Variants in COL4A6 observed in about 807,000 individuals in gnomAD.
COL4A6 encodes collagen alpha-6(IV) chain.
Under a neutral mutation model 126.7 loss-of-function variants are expected in COL4A6, and 59 were observed. The ratio of observed to expected loss-of-function variants is 0.47; its 90% CI spans 0.38 to 0.58. The LOEUF is 0.58. Among genes scored for constraint, COL4A6 ranks in the 20% least tolerant of loss-of-function variants. COL4A6 has a pLI of 0.00. For synonymous variants in COL4A6, 547 were observed against 496.6 expected, an observed-to-expected ratio of 1.10 and a Z score of -1.35; for missense variants, 1,285 against 1,337.3, an observed-to-expected ratio of 0.96 and a Z score of 0.61.
rs748986747 is a variant in COL4A6 at position 108,250,231 on chromosome X, T to C, written c.145-28857A>G. Among the ~76,000 whole-genome samples, 4 of 111,025 alleles carry C rather than the reference T, an allele frequency of 3.6e-5. No homozygotes were observed. The East Asian group carries it at 1.1e-3, about 32-fold the overall frequency. On this transcript the variant is annotated intron_variant, in intron 3 of 44. Coordinates refer to ENST00000334504, the MANE Select transcript of COL4A6 (RefSeq NM_033641.4). Reference sequence around the variant, plus strand: ...AGTACTGCCTTTTACTTCAAGTCTTTCTGGTGGTAGTAAAGGAGCTCTGAA... The same window carrying C: ...AGTACTGCCTTTTACTTCAAGTCTTCCTGGTGGTAGTAAAGGAGCTCTGAA...
chrX:108,295,834 G>A (rs1022387673), intron 3 of COL4A6, among the ~76,000 whole-genome samples: 2 of 111,849 alleles, frequency 1.8e-5, no homozygotes, highest in African/African-American at 6.5e-5. Context: ...ATAAGGGAGA[G>A]ACTAGCCACC....
rs1476817997 is a variant in COL4A6, at chrX:108,158,416, T to C, written c.4812+1046A>G. On this transcript the variant is annotated intron_variant, in intron 44 of 44. Transcript: ENST00000334504. ...TAATATTCTAGTATGTTAGAATTAATGTGTAAAGGAAGAGTAAAGAGATTC... is the reference window on the plus strand; with the variant it reads ...TAATATTCTAGTATGTTAGAATTAACGTGTAAAGGAAGAGTAAAGAGATTC... Among the ~76,000 whole-genome samples, 4 of 112,680 alleles carry C rather than the reference T, an allele frequency of 3.5e-5. No individual in the cohort carries two copies. The East Asian group carries it at 1.1e-3, about 31-fold the overall frequency.
intron 2 of COL4A6, among the ~76,000 whole-genome samples, chrX:108,407,196 A>G (rs1400363428): frequency 1.8e-5 from 2 of 112,217 alleles, no homozygotes; most frequent in Non-Finnish European, 3.8e-5. Context: ...TTATAACCAG[A>G]AACTGTCAAG....
At chrX:108,306,895 C>T (rs2038638382) in intron 3 of COL4A6, among the ~76,000 whole-genome samples, 1 of 111,002 alleles carries the variant, frequency 9.0e-6, no homozygotes, top group South Asian at 3.9e-4. Flanking sequence ...TTTAGATAAA[C>T]ACCAGAACAA....
At chrX:108,219,070 T>G (rs1448031172) in intron 5 of COL4A6, among the ~76,000 whole-genome samples, 1 of 111,901 alleles carries the variant, frequency 8.9e-6, no homozygotes, top group Non-Finnish European at 1.9e-5. Flanking sequence ...AGGATGAAAA[T>G]AGAGAAACTA....
intron 3 of COL4A6, among the ~76,000 whole-genome samples, chrX:108,282,467 G>C (rs1318390735): frequency 9.0e-6 from 1 of 111,258 alleles, no homozygotes; most frequent in Non-Finnish European, 1.9e-5. Flanking sequence ...ACACCAGTTA[G>C]AATGGCAATC....
At chrX:108,162,176 C>G (rs1261228529) in intron 41 of COL4A6, among the ~76,000 whole-genome samples, 1 of 110,948 alleles carries the variant, frequency 9.0e-6, no homozygotes, top group Non-Finnish European at 1.9e-5. Context: ...ATGGGGAAAC[C>G]TTGTCTCTAT....
At chrX:108,376,400 G>A (rs1159579539) in intron 2 of COL4A6, among the ~76,000 whole-genome samples, 1 of 109,150 alleles carries the variant, frequency 9.2e-6, no homozygotes, top group Non-Finnish European at 1.9e-5. Flanking sequence ...TGCAAGACCA[G>A]CCTGGCCAAC....
intron 3 of COL4A6, among the ~76,000 whole-genome samples, chrX:108,262,370 G>A (rs768564958): frequency 9.0e-6 from 1 of 111,137 alleles, no homozygotes; most frequent in African/African-American, 3.3e-5. Flanking sequence ...GTATTTGTGA[G>A]GTCCTCCAAG....
intron 2 of COL4A6, among the ~76,000 whole-genome samples, chrX:108,371,142 A>G (rs1240544505): frequency 9.1e-6 from 1 of 110,184 alleles, no homozygotes; most frequent in African/African-American, 3.3e-5. Flanking sequence ...TATCACATTC[A>G]CTACGAACTC....
intron 13 of COL4A6, among the ~76,000 whole-genome samples, chrX:108,202,499 C>T (rs974813112): frequency 8.9e-6 from 1 of 111,977 alleles, no homozygotes; most frequent in Non-Finnish European, 1.9e-5. Context: ...AGATTAGCTA[C>T]CATTAACTGA....
Position 108,175,655 on chromosome X carries a change from C to G in COL4A6, c.2829G>C (p.Lys943Asn), listed in dbSNP as rs200979736. ...PSGRAGTPGEKGDRGNPGPVG... is the reference protein window; with the variant it reads ...PSGRAGTPGENGDRGNPGPVG... ...CCAGAATTCAATTCCCCAGCTCACC[C>G]TTTTCACCAGGAGTACCAGCACGTC... The change falls in exon 29 of 45, where the codon AAG (lysine) becomes AAC (asparagine). Residue 943 changes from lysine to asparagine, a missense_variant and splice_region_variant. Physicochemically the swap from Lys to Asn is moderately conservative, Grantham distance 94 (BLOSUM62 0). Coordinates refer to ENST00000334504, the MANE Select transcript of COL4A6 (RefSeq NM_033641.4). 15 of 1,196,346 alleles carry G rather than the reference C, an allele frequency of 1.3e-5. No individual in the cohort carries two copies. The East Asian group carries it at 3.3e-4, about 26-fold the overall frequency.
intron 3 of COL4A6, among the ~76,000 whole-genome samples, chrX:108,239,044 T>G (rs1276722045): frequency 1.8e-5 from 2 of 112,346 alleles, no homozygotes; most frequent in Non-Finnish European, 3.8e-5. Flanking sequence ...TTAACAATTG[T>G]GTCTTCTGCC....
At chrX:108,365,479 C>A (rs2040179747) in intron 2 of COL4A6, among the ~76,000 whole-genome samples, 1 of 111,234 alleles carries the variant, frequency 9.0e-6, no homozygotes, top group Non-Finnish European at 1.9e-5. Flanking sequence ...CACAGAAGAC[C>A]CATAATAAAC....
intron 3 of COL4A6, chrX:108,267,522 A>G (rs1460392765): frequency 1.8e-5 from 2 of 112,818 alleles, no homozygotes; most frequent in Non-Finnish European, 1.9e-5. Context: ...TACTTAACAT[A>G]GAACATTGAC....
Position 108,176,889 on chromosome X carries a change from G to T in COL4A6, c.2638C>A (p.Pro880Thr). The stretch of plus-strand genomic sequence containing the variant: ...AACCCAGCGACCCCTGGAGAGCCTG[G>T]GCTTCCTTTCAGTCCTACTAGGCCT... ...NPGLVGLKGS[P>T]GSPGVAGLPA... Residue 880 changes from proline (P) to threonine (T), a missense_variant, in exon 28 of 45, where the codon CCA becomes ACA. By Grantham distance (38) the Pro-to-Thr change is conservative. Transcript: ENST00000334504. 4 of 1,211,288 alleles carry T rather than the reference G, an allele frequency of 3.3e-6. No homozygotes were observed. The highest frequency in any genetic ancestry group is 3.4e-6 in the Non-Finnish European group (3 of 895,439).
At chrX:108,345,620 A>G (rs1005814975) in intron 2 of COL4A6, among the ~76,000 whole-genome samples, 5 of 111,776 alleles carry the variant, frequency 4.5e-5, no homozygotes, top group South Asian at 3.8e-4. Context: ...AGTGTGGTAC[A>G]GTATGGCTGA....
At chrX:108,336,726 A>T (rs955409804) in intron 2 of COL4A6, among the ~76,000 whole-genome samples, 1 of 111,324 alleles carries the variant, frequency 9.0e-6, no homozygotes, top group Admixed American at 9.6e-5. Flanking sequence ...ATGCCTAACT[A>T]TGGGTTTTGC....
chrX:108,169,836 T>C, intron 36 of COL4A6, 109 bp downstream of exon 36: 1 of 855,030 alleles, frequency 1.2e-6, no homozygotes, highest in Non-Finnish European at 1.7e-6. Context: ...TAAGGAGAGC[T>C]ATGAGTCCAA....
Sources: gnomAD v4.1 joint callset for allele counts (sites outside exome capture counted in the v4.1 genomes callset) on GRCh38, gnomAD v4.1.1 for gene constraint, MANE v1.5 for transcripts, NCBI Gene and HGNC (gene_info 2026-07-23, HGNC 2026-07-21) for gene names.